IL16: variants seen among roughly 807,000 people sequenced by gnomAD.
The protein encoded by IL16 is interleukin 16, also known as pro-interleukin-16.
Under a neutral mutation model 110.1 loss-of-function variants are expected in IL16, and 67 were observed. The ratio of observed to expected loss-of-function variants is 0.61; its 90% confidence interval spans 0.50 to 0.75. The LOEUF (loss-of-function observed/expected upper bound fraction) is 0.75, where lower values mean the gene tolerates loss of function less well. Among genes scored for constraint, IL16 ranks in the 30% least tolerant of loss-of-function variants. The pLI, the probability that IL16 is intolerant of heterozygous loss-of-function variation, is 0.00. For missense variants in IL16, 1,545 were observed against 1,655.0 expected (o/e 0.93, Z 1.15); for synonymous variants, 689 against 662.9 (o/e 1.04, Z -0.61).
At chr15:81,243,164 T>TATATATATATATA (rs60077602) in intron 2 of IL16, among the ~76,000 whole-genome samples, 25 of 15,728 alleles carry the variant, frequency 1.6e-3, no homozygotes, top group Middle Eastern at 0.031. Flanking sequence ...TATATATATA[T>TATATATATATATA]TTTTTTTTTT....
At chr15:81,262,970 T>A (rs28563904) in intron 3 of IL16, among the ~76,000 whole-genome samples, 1 of 152,230 alleles carries the variant, frequency 6.6e-6, no homozygotes, top group Non-Finnish European at 1.5e-5. Context: ...AAATCAGTGT[T>A]ATAGATCATA....
At chr15:81,285,290 C>CAGTT (rs1899393503) in intron 9 of IL16, among the ~76,000 whole-genome samples, 1 of 152,198 alleles carries the variant, frequency 6.6e-6, no homozygotes, top group South Asian at 2.1e-4. Flanking sequence ...ATCCTTCCTT[C>CAGTT]TAACTAGTCT....
At chr15:81,297,926 T>G (rs1900072495) in intron 13 of IL16, among the ~76,000 whole-genome samples, 2 of 152,242 alleles carry the variant, frequency 1.3e-5, no homozygotes, top group East Asian at 3.9e-4. Context: ...ATGAAAGACT[T>G]TTGGAGGGCT....
In IL16 at chr15:81,292,634, A is replaced by G. The variant is rs371939629; in HGVS notation, c.1499A>G (p.His500Arg). 1.1e-5 allele frequency: 18 copies of G among 1,611,626 alleles called. No individual in the cohort carries two copies. The highest frequency in any genetic ancestry group is 2.7e-5 in the African/African-American group (2 of 74,902). ...KEREKNSAPP[H>R]RRAQKVMIRS... ...CGAGAGAAGAACTCAGCACCCCCGC[A>G]TCGCAGGGCTCAGAAGGTCATGATC... Residue 500 changes from histidine to arginine, a missense_variant, in exon 12 of 19, where the codon CAT (histidine) becomes CGT (arginine). By Grantham distance (29) the His-to-Arg change is conservative (BLOSUM62 0). Coordinates refer to ENST00000683961, the MANE Select transcript of IL16 (RefSeq NM_172217.5).
chr15:81,244,853 T>C (rs1897480946), intron 2 of IL16, among the ~76,000 whole-genome samples: 2 of 152,138 alleles, frequency 1.3e-5, no homozygotes, highest in Admixed American at 1.3e-4. Context: ...GCTTGGTTCA[T>C]TTTTTTCCCA....
intron 6 of IL16, among the ~76,000 whole-genome samples, chr15:81,274,738 T>G (rs1037136515): frequency 1.3e-5 from 2 of 152,242 alleles, no homozygotes; most frequent in Admixed American, 6.5e-5. Context: ...TACAGCATAG[T>G]GTGGAGTGGT....
chr15:81,300,657 G>A (rs1197942736), intron 14 of IL16, among the ~76,000 whole-genome samples, 182 bp downstream of exon 14: 3 of 152,024 alleles, frequency 2.0e-5, no homozygotes, highest in Non-Finnish European at 4.4e-5. Context: ...CTGTCTGTAG[G>A]TATTACACCT....
intron 2 of IL16, among the ~76,000 whole-genome samples, chr15:81,229,967 C>CT (rs35306060): frequency 1.0e-4 from 15 of 150,012 alleles, no homozygotes; most frequent in African/African-American, 1.2e-4. Flanking sequence ...AAACAGCCAA[C>CT]TTTTTTTTTT....
intron 9 of IL16, among the ~76,000 whole-genome samples, chr15:81,283,488 C>G (rs766502911): frequency 6.6e-6 from 1 of 152,196 alleles, no homozygotes; most frequent in South Asian, 2.1e-4. Context: ...GAATCTCAGA[C>G]GCCCGGACCC....
intron 1 of IL16, among the ~76,000 whole-genome samples, chr15:81,214,515 G>A (rs895771324): frequency 6.6e-6 from 1 of 151,652 alleles, no homozygotes; most frequent in African/African-American, 2.4e-5. Context: ...GGTTCTTTCA[G>A]TTTATGATTT....
chr15:81,242,674 T>G (rs1897376530), intron 2 of IL16, among the ~76,000 whole-genome samples: 1 of 152,196 alleles, frequency 6.6e-6, no homozygotes, highest in Non-Finnish European at 1.5e-5. Context: ...GACAGTTTTA[T>G]TTCTTCCTTT....
chr15:81,292,917 C>T lies in IL16; in HGVS notation c.1782C>T (p.Ser594=). 1 of 1,614,212 alleles carries T rather than the reference C, an allele frequency of 6.2e-7. No homozygotes were observed. The highest frequency in any genetic ancestry group is 8.5e-7 in the Non-Finnish European group (1 of 1,180,048). ...AGATTTTGGTGAGAAAGCCTATGTC[C>T]TCCAAGCCCAAGCCTCCACCCAGAA... The part of the protein sequence containing the change: ...SFEILVRKPM[S]SKPKPPPRKY... Residue 594 remains serine (S), a synonymous_variant, in exon 12 of 19, where the codon TCC becomes TCT. Transcript: ENST00000683961.
intron 8 of IL16, among the ~76,000 whole-genome samples, chr15:81,280,215 C>G (rs1057455228): frequency 6.6e-5 from 10 of 152,190 alleles, no homozygotes; most frequent in African/African-American, 2.2e-4. Flanking sequence ...TTGCCACCCC[C>G]CCAGGTGGGG....
intron 6 of IL16, among the ~76,000 whole-genome samples, chr15:81,277,024 A>AC (rs35457637): frequency 0.25 from 37,578 of 148,598 alleles, 5,277 homozygotes; most frequent in African/African-American, 0.38. Context: ...CAAGACCGGA[A>AC]ACAGTAAAAA....
chr15:81,230,695 GA>G (rs1049856471), intron 2 of IL16, among the ~76,000 whole-genome samples: 11 of 152,064 alleles, frequency 7.2e-5, no homozygotes, highest in African/African-American at 2.7e-4. Flanking sequence ...CATTTCCCTA[GA>G]ATATTCCACA....
upstream of IL16, among the ~76,000 whole-genome samples, chr15:81,196,660 G>C (rs1293568791): frequency 1.3e-5 from 2 of 152,182 alleles, no homozygotes; most frequent in Non-Finnish European, 2.9e-5. Context: ...AAGAAGGCAG[G>C]GGCAACTGGG....
intron 8 of IL16, among the ~76,000 whole-genome samples, chr15:81,281,983 T>A (rs898513474): frequency 2.6e-5 from 4 of 152,214 alleles, no homozygotes; most frequent in African/African-American, 9.7e-5. Context: ...TGAGATCATG[T>A]CACTTCCTTG....
At chr15:81,266,693 T>C (rs1240565184) in intron 4 of IL16, among the ~76,000 whole-genome samples, 1 of 152,166 alleles carries the variant, frequency 6.6e-6, no homozygotes, top group Non-Finnish European at 1.5e-5. Context: ...AAGGTTCTCT[T>C]TTGCCTGGGA....
At chr15:81,296,821 G>A in intron 12 of IL16, 107 bp from the exon 13 acceptor site, 1 of 1,016,374 alleles carries the variant, frequency 9.8e-7, no homozygotes, top group South Asian at 1.6e-5. Flanking sequence ...ACTTCTCACT[G>A]AAAGCAGCTC....
Sources: gnomAD v4.1 joint callset for allele counts (sites outside exome capture counted in the v4.1 genomes callset) on GRCh38, gnomAD v4.1.1 for gene constraint, MANE v1.5 for transcripts, NCBI Gene and HGNC (gene_info 2026-07-23, HGNC 2026-07-21) for gene names.